The following NELL1 variants were observed in gnomAD, a reference collection of about 807,000 sequenced individuals.
NELL1 encodes neural EGFL like 1.
A neutral mutation model predicts 107.4 loss-of-function variants in NELL1; 76 were observed. The ratio of observed to expected loss-of-function variants is 0.71; its 90% CI spans 0.59 to 0.86. NELL1 has a LOEUF of 0.86. Ranked by LOEUF, NELL1 falls within the 40% of genes least tolerant of loss-of-function variation. The pLI is 0.00. For missense variants in NELL1, 1,024 were observed against 1,005.5 expected, an observed-to-expected ratio of 1.02 and a Z score of -0.25; for synonymous variants, 353 against 341.2, an observed-to-expected ratio of 1.03 and a Z score of -0.38.
chr11:20,916,453 T>C (rs1850258491), intron 5 of NELL1, among the ~76,000 whole-genome samples: 1 of 151,970 alleles, frequency 6.6e-6, no homozygotes, highest in Admixed American at 6.6e-5. Context: ...TATTTTAAAA[T>C]GAGTTTTCAG....
chr11:21,141,905 A>T (rs993546776), intron 13 of NELL1, among the ~76,000 whole-genome samples: 1 of 152,086 alleles, frequency 6.6e-6, no homozygotes, highest in African/African-American at 2.4e-5. Context: ...CTGGGATTAC[A>T]GGTGCCTGCC....
At chr11:21,213,543 TTTTGAATTGAAA>T (rs1857549625) in intron 13 of NELL1, among the ~76,000 whole-genome samples, 1 of 152,174 alleles carries the variant, frequency 6.6e-6, no homozygotes, top group Admixed American at 6.5e-5. Flanking sequence ...TTGAATTGAA[TTTTGAATTGAAA>T]TTTGAATTGA....
Position 21,189,681 on chromosome 11 carries a change from C to CT in NELL1, c.1427-39635dup, listed in dbSNP as rs58557342. Reference sequence around the variant, plus strand: ...TATTTTAGTTGTCTGTTGTTTCTTCCTTTTTTTTTTTTTTTTATTTAATGT... The same window carrying CT: ...TATTTTAGTTGTCTGTTGTTTCTTCCTTTTTTTTTTTTTTTTTATTTAATGT... On this transcript the variant is annotated intron_variant, in intron 13 of 19. Coordinates refer to ENST00000357134, the MANE Select transcript of NELL1 (RefSeq NM_006157.5). Among the ~76,000 whole-genome samples, 278 of 141,500 alleles carry CT rather than the reference C, an allele frequency of 2.0e-3. 3 individuals are homozygous for CT. Among genetic ancestry groups the CT allele is most frequent in the East Asian group, 5.7e-3 (28 of 4,894 alleles). 92.8% of individuals were successfully genotyped at this position (141,500 alleles called of 152,430 possible).
At chr11:20,722,013 GTC>G (rs202127814) in intron 2 of NELL1, among the ~76,000 whole-genome samples, 6,195 of 110,848 alleles carry the variant, frequency 0.056, 163 homozygotes, top group Admixed American at 0.084. Context: ...ACCTTTCTGA[GTC>G]TCTCTTTTTT....
At position 21,145,293 on chromosome 11, in the gene NELL1, G is replaced by A. The variant is rs559809807; in HGVS notation, c.1426+31579G>A. On this transcript the variant is annotated intron_variant, in intron 13 of 19. Transcript: ENST00000357134. ...GTTAAATAATTTATCCAACTTATAA[G>A]TGGTAGAATTGGTTTATAAACCTAG... is the stretch of plus-strand genomic sequence containing the variant. Among the ~76,000 whole-genome samples the A allele has an allele frequency of 3.3e-5, 5 of 152,242 alleles. No individual in the cohort carries two copies. In the South Asian group the frequency reaches 8.3e-4, roughly 25 times the overall value.
intron 16 of NELL1, among the ~76,000 whole-genome samples, chr11:21,558,405 T>G (rs1293595308): frequency 6.6e-6 from 1 of 151,790 alleles, no homozygotes; most frequent in Non-Finnish European, 1.5e-5. Context: ...ACATAATATA[T>G]ATATATATAT....
At chr11:21,448,112 T>C (rs1191625773) in intron 15 of NELL1, among the ~76,000 whole-genome samples, 1 of 152,184 alleles carries the variant, frequency 6.6e-6, no homozygotes, top group African/African-American at 2.4e-5. Context: ...AACTGTCTTT[T>C]CTACCCTCTT....
At chr11:21,164,465 A>G (rs1381805075) in intron 13 of NELL1, among the ~76,000 whole-genome samples, 2 of 152,124 alleles carry the variant, frequency 1.3e-5, no homozygotes, top group African/African-American at 4.8e-5. Context: ...TACCTAGATA[A>G]CTGTGGGGTG....
intron 13 of NELL1, among the ~76,000 whole-genome samples, chr11:21,203,823 A>G (rs980103281): frequency 2.0e-5 from 3 of 152,184 alleles, no homozygotes; most frequent in Non-Finnish European, 4.4e-5. Context: ...AAAATCTGTC[A>G]GCATTTGCCT....
intron 14 of NELL1, among the ~76,000 whole-genome samples, chr11:21,348,387 A>T (rs577761344): frequency 6.6e-6 from 1 of 152,330 alleles, no homozygotes; most frequent in South Asian, 2.1e-4. Flanking sequence ...TAGGGGAGAT[A>T]CAGAAATGAG....
At chr11:21,106,200 A>G (rs1056699486) in intron 12 of NELL1, among the ~76,000 whole-genome samples, 3 of 151,990 alleles carry the variant, frequency 2.0e-5, no homozygotes, top group Admixed American at 6.6e-5. Context: ...CCTGAGAGGC[A>G]ATACAGACTG....
rs60713276 is a variant in NELL1 at position 20,941,533 on chromosome 11, A to AT, written c.1071+3683dup. Among the ~76,000 whole-genome samples, 4 of 151,598 alleles carry AT rather than the reference A, an allele frequency of 2.6e-5. No individual in the cohort carries two copies. The East Asian group carries it at 7.8e-4, about 29-fold the overall frequency. On this transcript the variant is annotated intron_variant, in intron 10 of 19. Coordinates refer to ENST00000357134, the MANE Select transcript of NELL1 (RefSeq NM_006157.5). ...AGATTATTACTTCCTCCTACATGAT[A>AT]TTTTTTTTTCTCCTCACCATTCCCA...
intron 12 of NELL1, among the ~76,000 whole-genome samples, chr11:21,002,772 A>T (rs1852251632): frequency 1.3e-5 from 2 of 152,234 alleles, no homozygotes; most frequent in South Asian, 4.1e-4. Context: ...AGTGTCCTTA[A>T]ACTTGTTCTT....
intron 3 of NELL1, among the ~76,000 whole-genome samples, chr11:20,841,318 T>TG (rs1326073390): frequency 5.4e-4 from 80 of 149,270 alleles, no homozygotes; most frequent in Non-Finnish European, 1.0e-3. Context: ...CCTCTGCTCA[T>TG]GTTTTTTTTT....
At chr11:21,402,727 A>C (rs12791761) in intron 15 of NELL1, among the ~76,000 whole-genome samples, 8,107 of 151,598 alleles carry the variant, frequency 0.053, 256 homozygotes, top group Middle Eastern at 0.082. Flanking sequence ...TATTCGAGTA[A>C]ATAAGCTTTA....
At chr11:21,562,238 G>T (rs982276883) in intron 17 of NELL1, among the ~76,000 whole-genome samples, 1 of 152,000 alleles carries the variant, frequency 6.6e-6, no homozygotes, top group African/African-American at 2.4e-5. Flanking sequence ...TCCAAGCAAC[G>T]TATATTGATT....
rs532578685 is a variant in NELL1 at position 21,039,129 on chromosome 11, G to A, written c.1301-74460G>A. 2.3e-4 allele frequency among the ~76,000 whole-genome samples: 35 copies of A among 152,190 alleles called. 1 individual carries two copies. The highest frequency in any genetic ancestry group is 6.8e-3 in the Middle Eastern group (2 of 294). On this transcript the variant is annotated intron_variant, in intron 12 of 19. Coordinates refer to ENST00000357134, the MANE Select transcript of NELL1 (RefSeq NM_006157.5). ...TCAGAGGTGAATTTGAAGGAGCTAT[G>A]TTTAAGGGAAAGGGGAAGAGTTTGA...
chr11:20,976,727 G>A (rs1461694742), intron 12 of NELL1, among the ~76,000 whole-genome samples: 2 of 152,024 alleles, frequency 1.3e-5, no homozygotes, highest in South Asian at 2.1e-4. Flanking sequence ...GAATTCTGTG[G>A]ATCATATTTT....
intron 10 of NELL1, among the ~76,000 whole-genome samples, chr11:20,944,416 A>G (rs949161645): frequency 2.0e-5 from 3 of 152,150 alleles, no homozygotes; most frequent in African/African-American, 7.2e-5. Flanking sequence ...GAATTTCTTT[A>G]TCCTAGCAAC....
Sources: allele counts gnomAD v4.1 joint callset (sites outside exome capture counted in the v4.1 genomes callset), GRCh38; gene constraint gnomAD v4.1.1; transcripts MANE v1.5; gene names NCBI Gene and HGNC (gene_info 2026-07-23, HGNC 2026-07-21).